Variants in PDE4DIP observed in about 807,000 individuals in gnomAD.
PDE4DIP encodes phosphodiesterase 4D interacting protein, also known as myomegalin.
Under a neutral mutation model 221.4 loss-of-function variants are expected in PDE4DIP, and 59 were observed. That is an observed-to-expected ratio of 0.27 (90% CI 0.22 to 0.33). The LOEUF (loss-of-function observed/expected upper bound fraction) is 0.33. PDE4DIP is among the 10% of genes least tolerant of loss of function. PDE4DIP has a pLI of 1.00. For synonymous variants in PDE4DIP, 404 were observed against 815.9 expected, an observed-to-expected ratio of 0.50 and a Z score of 8.60; for missense variants, 1,036 against 2,154.2, an observed-to-expected ratio of 0.48 and a Z score of 10.28.
exon 13 of PDE4DIP, chr1:148,967,804 AAAG>A (rs781998613): frequency 2.6e-5 from 31 of 1,190,070 alleles, no homozygotes; most frequent in Non-Finnish European, 2.9e-5. Context: ...CCAGTGGCTG[AAAG>A]AAGAAATGGA....
intron 1 of PDE4DIP, among the ~76,000 whole-genome samples, chr1:148,925,571 G>A (rs1354213149): frequency 1.3e-5 from 2 of 150,020 alleles, no homozygotes; most frequent in East Asian, 3.9e-4. Flanking sequence ...CAGATAGAAC[G>A]TACTAATTTA....
At chr1:148,899,495 T>A (rs1553445429) in intron 1 of PDE4DIP, among the ~76,000 whole-genome samples, 1 of 108,936 alleles carries the variant, frequency 9.2e-6, no homozygotes, top group African/African-American at 3.9e-5. Flanking sequence ...GGAAAGAAAA[T>A]CTGCAAAGGA....
intron 2 of PDE4DIP, among the ~76,000 whole-genome samples, chr1:148,865,026 C>T (rs1685979491): frequency 7.3e-6 from 1 of 137,096 alleles, no homozygotes; most frequent in African/African-American, 3.1e-5. Flanking sequence ...AGATTATCTT[C>T]CCCTTAGTAG....
chr1:148,998,417 A>G lies in PDE4DIP; in HGVS notation c.3137+42A>G, dbSNP rs1451313095. ...AGGGAAGGGGAGCTTGCAGGTCATG[A>G]GGCACCACAGCCAAGGGGTGCCTAT... is the stretch of plus-strand genomic sequence containing the variant. On this transcript the variant is annotated intron_variant, in intron 23 of 43. Coordinates refer to ENST00000369354, the Ensembl canonical transcript of PDE4DIP. 2.5e-6 allele frequency: 3 copies of G among 1,178,394 alleles called. No homozygotes were observed. The African/African-American group carries it at 4.5e-5, about 18-fold the overall frequency. 73.0% of individuals were successfully genotyped at this position (1,178,394 alleles called of 1,614,324 possible).
exon 44 of PDE4DIP, chr1:149,032,312 C>G (rs1425580485): frequency 8.5e-6 from 5 of 586,174 alleles, no homozygotes; most frequent in East Asian, 5.7e-5. Flanking sequence ...TGGGAACTAG[C>G]AAGAGCACAT....
At chr1:148,824,240 G>A (rs1300774063) in intron 1 of PDE4DIP, among the ~76,000 whole-genome samples, 1 of 146,618 alleles carries the variant, frequency 6.8e-6, no homozygotes, top group South Asian at 2.1e-4. Context: ...CTCAAGACTC[G>A]ACAGGGGCTG....
At chr1:148,939,644 AT>A (rs1378614710) in intron 5 of PDE4DIP, 1 of 151,974 alleles carries the variant, frequency 6.6e-6, no homozygotes, top group Non-Finnish European at 1.5e-5. Context: ...TTTTTGCAAG[AT>A]ACATGTTGAA....
chr1:149,009,031 C>T (rs1163000199), intron 29 of PDE4DIP, among the ~76,000 whole-genome samples: 1 of 151,834 alleles, frequency 6.6e-6, no homozygotes, highest in South Asian at 2.1e-4. Flanking sequence ...TTCTTTGTGT[C>T]ATGCTTGTGT....
intron 28 of PDE4DIP, 56 bp downstream of exon 31, chr1:149,007,492 C>G (rs1217072523): frequency 1.8e-6 from 1 of 548,766 alleles, no homozygotes; most frequent in East Asian, 3.0e-5. Flanking sequence ...GTTCCAGCCC[C>G]TGGTGGCCAC....
At chr1:148,902,799 T>A (rs1329897487) in intron 1 of PDE4DIP, among the ~76,000 whole-genome samples, 1 of 109,398 alleles carries the variant, frequency 9.1e-6, no homozygotes, top group Non-Finnish European at 1.7e-5. Flanking sequence ...CTTTATCCAC[T>A]CATTGATTGG....
At chr1:148,967,529 A>G (rs1205676982) in intron 12 of PDE4DIP, among the ~76,000 whole-genome samples, 197 bp from the exon 16 acceptor site, 2 of 152,274 alleles carry the variant, frequency 1.3e-5, no homozygotes, top group South Asian at 2.1e-4. Context: ...TTCTATATTT[A>G]ATCTCTCCAC....
intron 5 of PDE4DIP, among the ~76,000 whole-genome samples, chr1:148,946,379 T>G (rs1425330741): frequency 7.7e-6 from 1 of 129,812 alleles, no homozygotes; most frequent in Non-Finnish European, 1.6e-5. Context: ...AATAAATAAA[T>G]AAATAACAAA....
intron 21 of PDE4DIP, 129 bp downstream of exon 24, chr1:148,981,526 A>T: frequency 3.5e-6 from 4 of 1,138,228 alleles, no homozygotes; most frequent in Non-Finnish European, 5.2e-6. Context: ...TTTTGGCAGA[A>T]TTAAACGGTG....
Position 148,826,495 on chromosome 1 carries a change from C to G in PDE4DIP, c.233+17758C>G, listed in dbSNP as rs1571413569. On this transcript the variant is annotated intron_variant, in intron 1 of 45. Transcript: ENST00000524974. ...AGGCTGGAGCGCAGTAGCACAGTCT[C>G]CACTCACTGTGACCTCTGCCTCCCA... 2.1e-5 allele frequency among the ~76,000 whole-genome samples: 2 copies of G among 93,892 alleles called. 1 individual carries two copies. The allele number at this position is 93,892 out of a possible 152,430, so 61.6% of individuals were successfully genotyped here. A position where few individuals can be genotyped will look rare whatever the true frequency, so the allele number is the denominator to read the frequency against.
chr1:148,984,452 A>T (rs2061572926), intron 21 of PDE4DIP: 1 of 152,118 alleles, frequency 6.6e-6, no homozygotes, highest in Admixed American at 6.6e-5. Flanking sequence ...CATAAGAATT[A>T]GTTTCCTTGA....
chr1:148,987,911 TAAAAC>T (rs782570419), intron 21 of PDE4DIP, among the ~76,000 whole-genome samples: 12 of 151,882 alleles, frequency 7.9e-5, no homozygotes, highest in Non-Finnish European at 1.6e-4. Context: ...TAAAGCAAAA[TAAAAC>T]AAAAAAAGAG....
In PDE4DIP at chr1:148,968,885, T is replaced by C. The variant is rs140770712; in HGVS notation, c.1835T>C (p.Ile612Thr). 290 of 1,613,706 alleles carry C rather than the reference T, an allele frequency of 1.8e-4. 1 individual carries two copies. In the African/African-American group the frequency reaches 3.3e-3, roughly 18 times the overall value. ...AAACTTGGACCAGGGCAGAGTGAGA[T>C]AGCAGAGGAGCTGTGCCAGCGTCTA... Residue 612 changes from isoleucine (I) to threonine (T), a missense_variant, in exon 14 of 44, where the codon ATA becomes ACA. By Grantham distance (89) the Ile-to-Thr change is moderately conservative. Transcript: ENST00000369354.
intron 4 of PDE4DIP, among the ~76,000 whole-genome samples, chr1:148,935,293 A>G (rs2048991804): frequency 6.7e-6 from 1 of 149,804 alleles, no homozygotes; most frequent in Non-Finnish European, 1.5e-5. Context: ...TCATGTTCCA[A>G]TATATACAAA....
intron 43 of PDE4DIP, chr1:149,030,541 T>C (rs1413124626): frequency 1.5e-5 from 14 of 907,492 alleles, no homozygotes; most frequent in Non-Finnish European, 1.8e-5. Context: ...ATTTTTCTTC[T>C]TTGAGGCCAA....
Sources: gnomAD v4.1 joint callset for allele counts (sites outside exome capture counted in the v4.1 genomes callset) on GRCh38, gnomAD v4.1.1 for gene constraint, MANE v1.5 for transcripts, NCBI Gene and HGNC (gene_info 2026-07-23, HGNC 2026-07-21) for gene names.